The following FSHR variants were observed in gnomAD, a reference collection of about 807,000 sequenced individuals.
FSHR encodes the protein follicle stimulating hormone receptor, also known as follicle-stimulating hormone receptor.
A neutral mutation model predicts 52.1 loss-of-function variants in FSHR; 46 were observed. That is an observed-to-expected ratio of 0.88 (90% CI 0.70 to 1.13). FSHR has a LOEUF of 1.13. Among genes scored for constraint, FSHR ranks in the 50% most tolerant of loss-of-function variants. The pLI is 0.00. For missense variants in FSHR, 964 were observed against 834.6 expected (o/e 1.16, Z -1.91); for synonymous variants, 399 against 309.6 (o/e 1.29, Z -3.03).
At chr2:48,993,657 C>G (rs1675885312) in intron 4 of FSHR, among the ~76,000 whole-genome samples, 1 of 152,162 alleles carries the variant, frequency 6.6e-6, no homozygotes, top group Admixed American at 6.5e-5. Flanking sequence ...TCCCATAAAA[C>G]TTAGAGTAAA....
At chr2:49,034,386 C>A (rs1210938536) in intron 2 of FSHR, among the ~76,000 whole-genome samples, 1 of 152,194 alleles carries the variant, frequency 6.6e-6, no homozygotes, top group Non-Finnish European at 1.5e-5. Flanking sequence ...TTCCCCAAAT[C>A]TCCTCTATTA....
Position 48,982,935 on chromosome 2 carries a change from G to A in FSHR, c.645C>T (p.His215=), listed in dbSNP as rs777329711. ...NLEELPNDVF[H]GASGPVILDI... is the part of the protein sequence containing the mutation. Reference sequence around the variant, plus strand: ...ACAGAATGACTGGTCCAGAGGCTCCGTGGAAAACATCATTAGGCAATTCTT... The same window carrying A: ...ACAGAATGACTGGTCCAGAGGCTCCATGGAAAACATCATTAGGCAATTCTT... Residue 215 remains histidine, a synonymous_variant, in exon 8 of 10, where the codon CAC becomes CAT. Transcript: ENST00000406846. The A allele has an allele frequency of 3.0e-5, 49 of 1,613,764 alleles. No homozygotes were observed. In the South Asian group the frequency reaches 3.6e-4, roughly 12 times the overall value.
intron 1 of FSHR, among the ~76,000 whole-genome samples, chr2:49,085,730 A>G (rs930464232): frequency 2.0e-5 from 3 of 152,204 alleles, no homozygotes; most frequent in Non-Finnish European, 4.4e-5. Context: ...TCCAACAATG[A>G]TAGACTGGAT....
At chr2:48,982,700 C>T (rs749642931) in intron 8 of FSHR, among the ~76,000 whole-genome samples, 1 of 152,190 alleles carries the variant, frequency 6.6e-6, no homozygotes, top group African/African-American at 2.4e-5. Context: ...TGTACGTGCT[C>T]ATTACATGTT....
intron 1 of FSHR, among the ~76,000 whole-genome samples, chr2:49,145,309 C>T (rs1438832705): frequency 1.3e-5 from 2 of 152,066 alleles, no homozygotes; most frequent in African/African-American, 2.4e-5. Context: ...GGACACCTTT[C>T]CATTGAACCC....
chr2:49,099,203 TTG>T (rs1399849904), intron 1 of FSHR, among the ~76,000 whole-genome samples: 1 of 152,044 alleles, frequency 6.6e-6, no homozygotes, highest in African/African-American at 2.4e-5. Flanking sequence ...TTCCCACATG[TTG>T]TGGGAGAGAC....
intron 1 of FSHR, among the ~76,000 whole-genome samples, chr2:49,152,652 G>A (rs1673104705): frequency 6.6e-6 from 1 of 152,100 alleles, no homozygotes; most frequent in African/African-American, 2.4e-5. Flanking sequence ...AAACTTGTTT[G>A]GGTCTGTTTG....
chr2:49,083,703 T>G (rs934026098), intron 1 of FSHR, among the ~76,000 whole-genome samples: 3 of 149,880 alleles, frequency 2.0e-5, no homozygotes, highest in Non-Finnish European at 4.4e-5. Flanking sequence ...TCCTAGTCTC[T>G]GATAAAACAG....
intron 4 of FSHR, among the ~76,000 whole-genome samples, chr2:49,003,580 C>T (rs185867577): frequency 2.4e-4 from 36 of 152,058 alleles, no homozygotes; most frequent in African/African-American, 8.4e-4. Context: ...TAAGAATACA[C>T]GTTATGAAAG....
intron 1 of FSHR, among the ~76,000 whole-genome samples, chr2:49,135,266 A>G (rs1226576228): frequency 6.6e-6 from 1 of 152,164 alleles, no homozygotes; most frequent in Non-Finnish European, 1.5e-5. Flanking sequence ...AATACAAAGT[A>G]TGTGTTCCAA....
intron 1 of FSHR, among the ~76,000 whole-genome samples, chr2:49,108,177 G>A (rs554904092): frequency 6.6e-6 from 1 of 152,122 alleles, no homozygotes; most frequent in Admixed American, 6.5e-5. Context: ...TGAGACACTG[G>A]TCTTCTCTTA....
chr2:49,114,171 C>T (rs900445489), intron 1 of FSHR, among the ~76,000 whole-genome samples: 1 of 152,132 alleles, frequency 6.6e-6, no homozygotes, highest in Admixed American at 6.6e-5. Context: ...AAACAAATAA[C>T]TTTGGCACCC....
chr2:49,070,477 A>G (rs1669688605), intron 1 of FSHR, among the ~76,000 whole-genome samples: 1 of 152,210 alleles, frequency 6.6e-6, no homozygotes, highest in African/African-American at 2.4e-5. Flanking sequence ...CAGAAGAATG[A>G]TGAAAATAAA....
chr2:48,975,133 T>C (rs914636540), intron 8 of FSHR, among the ~76,000 whole-genome samples: 4 of 152,112 alleles, frequency 2.6e-5, no homozygotes, highest in Non-Finnish European at 4.4e-5. Flanking sequence ...TTTCTGGGTG[T>C]CTGAGGGTAT....
chr2:49,132,386 A>T (rs1316998280), intron 1 of FSHR, among the ~76,000 whole-genome samples: 1 of 152,088 alleles, frequency 6.6e-6, no homozygotes, highest in East Asian at 1.9e-4. Context: ...TTTCCCTTTA[A>T]TCTAATAAAT....
At chr2:49,090,773 T>A (rs1258741147) in intron 1 of FSHR, among the ~76,000 whole-genome samples, 1 of 152,242 alleles carries the variant, frequency 6.6e-6, no homozygotes, top group African/African-American at 2.4e-5. Context: ...CTTGTCAGCA[T>A]GCAGTAGTCA....
At chr2:49,060,344 A>AAAAAAC (rs1418826504) in intron 2 of FSHR, among the ~76,000 whole-genome samples, 2 of 152,170 alleles carry the variant, frequency 1.3e-5, no homozygotes, top group African/African-American at 4.8e-5. Flanking sequence ...CAAAAGGAAA[A>AAAAAAC]AAAAACAAAA....
At chr2:49,012,148 G>A (rs1312864007) in intron 4 of FSHR, among the ~76,000 whole-genome samples, 2 of 152,126 alleles carry the variant, frequency 1.3e-5, no homozygotes, top group African/African-American at 2.4e-5. Context: ...TGCTAAAATG[G>A]AATTATGGTT....
chr2:48,998,753 T>G (rs1676133556), intron 4 of FSHR, among the ~76,000 whole-genome samples: 1 of 151,084 alleles, frequency 6.6e-6, no homozygotes, highest in African/African-American at 2.5e-5. Flanking sequence ...TACAATGACC[T>G]CTTAAACTAA....
Sources: allele counts gnomAD v4.1 joint callset (sites outside exome capture counted in the v4.1 genomes callset), GRCh38; gene constraint gnomAD v4.1.1; transcripts MANE v1.5; gene names NCBI Gene and HGNC (gene_info 2026-07-23, HGNC 2026-07-21).